The following GDAP1 variants were observed in gnomAD, a reference collection of about 807,000 sequenced individuals.
GDAP1 encodes ganglioside-induced differentiation-associated protein 1.
A neutral mutation model predicts 40.1 loss-of-function variants in GDAP1; 34 were observed. The ratio of observed to expected loss-of-function variants is 0.85; its 90% CI spans 0.64 to 1.13. The LOEUF is 1.13. Ranked by LOEUF, GDAP1 falls within the 50% of genes most tolerant of loss-of-function variation. The pLI is 0.00. For missense variants in GDAP1, 374 were observed against 433.7 expected (o/e 0.86, Z 1.22); for synonymous variants, 170 against 157.4 (o/e 1.08, Z -0.60).
intron 2 of GDAP1, among the ~76,000 whole-genome samples, chr8:74,448,856 A>T (rs1806264102): frequency 6.6e-6 from 1 of 152,068 alleles, no homozygotes; most frequent in African/African-American, 2.4e-5. Flanking sequence ...GGGGCTTTTC[A>T]TATATTTAAT....
At chr8:74,432,434 A>G (rs1373060786) in intron 2 of GDAP1, among the ~76,000 whole-genome samples, 1 of 152,112 alleles carries the variant, frequency 6.6e-6, no homozygotes, top group Non-Finnish European at 1.5e-5. Flanking sequence ...TTGTCACTTA[A>G]ACTCTGTATA....
intron 2 of GDAP1, among the ~76,000 whole-genome samples, chr8:74,352,476 G>C (rs747750140): frequency 6.6e-6 from 1 of 152,070 alleles, no homozygotes; most frequent in Non-Finnish European, 1.5e-5. Context: ...AAATTACTAG[G>C]ACAAAAAAAA....
At chr8:74,417,618 G>A (rs938069802) in intron 2 of GDAP1, among the ~76,000 whole-genome samples, 1 of 149,530 alleles carries the variant, frequency 6.7e-6, no homozygotes, top group Non-Finnish European at 1.5e-5. Flanking sequence ...TTAGCTGGGT[G>A]TGGTGGCACA....
intron 2 of GDAP1, among the ~76,000 whole-genome samples, chr8:74,403,882 C>T (rs954284665): frequency 6.7e-6 from 1 of 150,120 alleles, no homozygotes; most frequent in Non-Finnish European, 1.5e-5. Flanking sequence ...AAAGCTTTGA[C>T]AGTCTATATC....
chr8:74,412,787 G>A (rs954746999), intron 2 of GDAP1, among the ~76,000 whole-genome samples: 2 of 149,298 alleles, frequency 1.3e-5, no homozygotes, highest in Admixed American at 6.6e-5. Flanking sequence ...GGCTGGGTGC[G>A]GTGGCTCACG....
chr8:74,368,741 C>T (rs1441629302), downstream of GDAP1, among the ~76,000 whole-genome samples: 1 of 152,130 alleles, frequency 6.6e-6, no homozygotes. Context: ...TGGAGTAAGG[C>T]TTACCAGCAT....
chr8:74,438,054 A>G (rs1449018967), intron 2 of GDAP1, among the ~76,000 whole-genome samples: 2 of 151,964 alleles, frequency 1.3e-5, no homozygotes, highest in African/African-American at 2.4e-5. Context: ...GAGGATCACA[A>G]GGTCAAGAGA....
chr8:74,461,439 A>G (rs1400034155), intron 2 of GDAP1, among the ~76,000 whole-genome samples: 1 of 152,188 alleles, frequency 6.6e-6, no homozygotes, highest in East Asian at 1.9e-4. Flanking sequence ...TTCTTTGGCT[A>G]TTGAGGAGCT....
intron 2 of GDAP1, among the ~76,000 whole-genome samples, chr8:74,394,322 G>A (rs1372379379): frequency 1.3e-5 from 2 of 152,136 alleles, no homozygotes; most frequent in African/African-American, 4.8e-5. Flanking sequence ...TGGAAATTGT[G>A]GGAGTTAAAT....
intron 2 of GDAP1, among the ~76,000 whole-genome samples, chr8:74,418,470 C>A (rs563209279): frequency 9.2e-5 from 14 of 152,216 alleles, no homozygotes; most frequent in African/African-American, 3.1e-4. Context: ...AGTATAGGAA[C>A]AATTGAATAT....
chr8:74,402,554 G>A (rs929983876), intron 2 of GDAP1, among the ~76,000 whole-genome samples: 1 of 150,140 alleles, frequency 6.7e-6, no homozygotes, highest in Admixed American at 6.6e-5. Flanking sequence ...ATGGTGCGCT[G>A]CACCCACTGT....
In GDAP1 at chr8:74,365,446, C is replaced by T. The variant is rs561107436; in HGVS notation, c.*1079C>T. ...TCAGTTCATGTGGAAGGGACAGTCT[C>T]GGTGTGTCCCATGAATAACCTTGGA... On this transcript the variant is annotated 3_prime_UTR_variant, in exon 6 of 6. Transcript: ENST00000220822. 1.1e-4 allele frequency: 52 copies of T among 453,744 alleles called. No individual in the cohort carries two copies. The highest frequency in any genetic ancestry group is 6.9e-4 in the Middle Eastern group (1 of 1,444). 28.1% of individuals were successfully genotyped at this position (453,744 alleles called of 1,614,324 possible). A position where few individuals can be genotyped will look rare whatever the true frequency, so the allele number is the denominator to read the frequency against.
rs187288339 is a variant in GDAP1, at chr8:74,434,757, A to G, written c.166-53921A>G. The stretch of plus-strand genomic sequence containing the variant: ...TGTAAGGAATTACCATCATCTCATG[A>G]TAGTCCTTCAGGTGGTAGTTGAGTT... On this transcript the variant is annotated intron_variant, in intron 2 of 2. Transcript: ENST00000523640. Among the ~76,000 whole-genome samples the G allele has an allele frequency of 5.3e-5, 8 of 152,310 alleles. No individual in the cohort carries two copies. The East Asian group carries it at 1.5e-3, about 29-fold the overall frequency.
chr8:74,402,350 C>T (rs1012557244), intron 2 of GDAP1, among the ~76,000 whole-genome samples: 3 of 150,594 alleles, frequency 2.0e-5, no homozygotes, highest in East Asian at 3.9e-4. Context: ...GCGTAGGACC[C>T]TCCGAGCCAG....
chr8:74,450,022 T>G (rs920608891), intron 2 of GDAP1, among the ~76,000 whole-genome samples: 5 of 151,766 alleles, frequency 3.3e-5, no homozygotes, highest in Non-Finnish European at 7.4e-5. Flanking sequence ...AAAATACTAC[T>G]TTAGCTGGAT....
At chr8:74,358,454 C>T (rs1274056109) in intron 2 of GDAP1, among the ~76,000 whole-genome samples, 3 of 152,122 alleles carry the variant, frequency 2.0e-5, no homozygotes, top group African/African-American at 7.2e-5. Flanking sequence ...TCTCTATACC[C>T]CTTTGTCTTT....
chr8:74,434,445 G>A (rs1429364881), intron 2 of GDAP1, among the ~76,000 whole-genome samples: 2 of 152,146 alleles, frequency 1.3e-5, no homozygotes, highest in African/African-American at 4.8e-5. Flanking sequence ...TTAAAATGAA[G>A]GTACTGAATT....
chr8:74,421,793 C>G (rs1047858570), intron 2 of GDAP1, among the ~76,000 whole-genome samples: 1 of 152,300 alleles, frequency 6.6e-6, no homozygotes, highest in Middle Eastern at 3.4e-3. Flanking sequence ...ACAACTGATA[C>G]GCAGTTTGGC....
chr8:74,465,039 G>C (rs1172525117), intron 2 of GDAP1, among the ~76,000 whole-genome samples: 1 of 151,978 alleles, frequency 6.6e-6, no homozygotes, highest in Non-Finnish European at 1.5e-5. Context: ...GGGCAACATG[G>C]TGAAAGCCCA....
Sources: gnomAD v4.1 joint callset for allele counts (sites outside exome capture counted in the v4.1 genomes callset) on GRCh38, gnomAD v4.1.1 for gene constraint, MANE v1.5 for transcripts, NCBI Gene and HGNC (gene_info 2026-07-23, HGNC 2026-07-21) for gene names.